ASTN2: variants seen among roughly 807,000 people sequenced by gnomAD.
ASTN2 encodes astrotactin-2.
ASTN2 carries 54 observed loss-of-function variants against 139.8 expected under a neutral mutation model. That is an observed-to-expected ratio of 0.39 (90% confidence interval 0.31 to 0.48). The LOEUF is 0.48. Among genes scored for constraint, ASTN2 ranks in the 20% least tolerant of loss-of-function variants. The pLI is 0.95. For synonymous variants in ASTN2, 756 were observed against 719.5 expected (o/e 1.05, Z -0.81); for missense variants, 1,565 against 1,725.1 (o/e 0.91, Z 1.64).
chr9:116,840,418 A>G (rs181400138), intron 11 of ASTN2, among the ~76,000 whole-genome samples: 11 of 146,784 alleles, frequency 7.5e-5, no homozygotes, highest in East Asian at 2.1e-4. Context: ...GGTGGTGGCC[A>G]GGCAGAGGGG....
chr9:116,766,888 CACATACACTT>C, intron 13 of ASTN2, among the ~76,000 whole-genome samples: 1 of 151,312 alleles, frequency 6.6e-6, no homozygotes, highest in South Asian at 2.1e-4. Flanking sequence ...CATTCACACT[CACATACACTT>C]AAACACACAC....
At chr9:116,598,902 A>C (rs1244683092) in intron 19 of ASTN2, among the ~76,000 whole-genome samples, 1 of 152,212 alleles carries the variant, frequency 6.6e-6, no homozygotes, top group African/African-American at 2.4e-5. Flanking sequence ...TATTTTTATG[A>C]GGCATTTCTG....
chr9:117,348,613 T>G (rs1297699836), intron 1 of ASTN2, among the ~76,000 whole-genome samples: 3 of 152,186 alleles, frequency 2.0e-5, no homozygotes, highest in African/African-American at 7.2e-5. Flanking sequence ...GTATATGTGT[T>G]TGTTTGGGTG....
chr9:116,623,205 TTGGTTTTTGTAATAAATA>T (rs1856264473), intron 17 of ASTN2, among the ~76,000 whole-genome samples: 1 of 124,386 alleles, frequency 8.0e-6, no homozygotes, highest in African/African-American at 3.1e-5. Context: ...GTGTGTGTGT[TTGGTTTTTGTAATAAATA>T]GGAACTTGAG....
At chr9:117,225,543 A>G (rs200924361) in intron 2 of ASTN2, among the ~76,000 whole-genome samples, 718 of 68,662 alleles carry the variant, frequency 0.01, 92 homozygotes, top group African/African-American at 0.053. Flanking sequence ...ATGTATATAT[A>G]TATATATATA....
At chr9:117,217,082 G>A (rs1235894363) in intron 2 of ASTN2, among the ~76,000 whole-genome samples, 2 of 152,128 alleles carry the variant, frequency 1.3e-5, no homozygotes. Flanking sequence ...CACAGCCCTT[G>A]GTTACTGAAC....
intron 1 of ASTN2, among the ~76,000 whole-genome samples, chr9:117,376,396 T>C (rs1830125268): frequency 6.6e-6 from 1 of 152,184 alleles, no homozygotes; most frequent in Non-Finnish European, 1.5e-5. Context: ...CATTTGGCAC[T>C]TTCAAATGGA....
At chr9:117,008,303 G>A (rs761309243) in intron 6 of ASTN2, 44 bp from the exon 7 acceptor site, 1 of 1,505,260 alleles carries the variant, frequency 6.6e-7, no homozygotes, top group Non-Finnish European at 8.9e-7. Context: ...CTGATTTTAA[G>A]GTCTTAGCTG....
At chr9:116,510,512 A>T (rs1850328189) in intron 19 of ASTN2, among the ~76,000 whole-genome samples, 1 of 152,156 alleles carries the variant, frequency 6.6e-6, no homozygotes, top group Admixed American at 6.6e-5. Flanking sequence ...TATGAACTTT[A>T]AAGTAGTTTT....
chr9:117,045,039 T>C (rs1838691082), intron 5 of ASTN2, among the ~76,000 whole-genome samples: 1 of 152,110 alleles, frequency 6.6e-6, no homozygotes, highest in South Asian at 2.1e-4. Context: ...CACTTTATCA[T>C]GGAATAAGGT....
intron 7 of ASTN2, among the ~76,000 whole-genome samples, chr9:116,979,082 A>G (rs892943806): frequency 2.0e-5 from 3 of 152,196 alleles, no homozygotes; most frequent in Admixed American, 6.5e-5. Flanking sequence ...AAGCATTCTG[A>G]GTGTTTAAAA....
At chr9:117,180,117 GTCT>G (rs1831020539) in intron 3 of ASTN2, among the ~76,000 whole-genome samples, 1 of 152,332 alleles carries the variant, frequency 6.6e-6, no homozygotes, top group Admixed American at 6.5e-5. Context: ...TCACAGAGTA[GTCT>G]TCCATTCTTG....
chr9:117,369,499 A>G (rs985471773), intron 1 of ASTN2, among the ~76,000 whole-genome samples: 2 of 152,074 alleles, frequency 1.3e-5, no homozygotes, highest in African/African-American at 2.4e-5. Context: ...CCTGCCCAAG[A>G]TCATATAGAC....
intron 1 of ASTN2, among the ~76,000 whole-genome samples, chr9:117,302,588 C>G (rs745407693): frequency 6.6e-6 from 1 of 152,154 alleles, no homozygotes; most frequent in Non-Finnish European, 1.5e-5. Context: ...GTTTCTAAGT[C>G]TGACTTGTCA....
At chr9:117,355,682 G>A (rs1242076476) in intron 1 of ASTN2, among the ~76,000 whole-genome samples, 1 of 152,204 alleles carries the variant, frequency 6.6e-6, no homozygotes, top group Non-Finnish European at 1.5e-5. Flanking sequence ...TACAATCTGA[G>A]GAGGATTCAT....
At chr9:116,611,387 C>T (rs1855531897) in intron 19 of ASTN2, 1 of 151,758 alleles carries the variant, frequency 6.6e-6, no homozygotes, top group African/African-American at 2.4e-5. Flanking sequence ...CAAAGTAAGC[C>T]AAACAAAGAA....
chr9:116,581,324 A>G (rs920694940), intron 19 of ASTN2, among the ~76,000 whole-genome samples: 5 of 152,100 alleles, frequency 3.3e-5, no homozygotes, highest in African/African-American at 9.7e-5. Context: ...TACCACCACC[A>G]TGACCTGGAA....
intron 19 of ASTN2, among the ~76,000 whole-genome samples, chr9:116,589,610 A>G (rs1281184777): frequency 6.6e-6 from 1 of 152,216 alleles, no homozygotes; most frequent in East Asian, 1.9e-4. Flanking sequence ...GTGGAGGCGA[A>G]GGGAATAGAA....
chr9:116,999,882 G>A (rs1055067251), intron 7 of ASTN2, among the ~76,000 whole-genome samples: 17 of 152,000 alleles, frequency 1.1e-4, no homozygotes, highest in African/African-American at 3.6e-4. Flanking sequence ...CATTGCAAAA[G>A]TTCAGAAGTC....
Sources: gnomAD v4.1 joint callset for allele counts (sites outside exome capture counted in the v4.1 genomes callset) on GRCh38, gnomAD v4.1.1 for gene constraint, MANE v1.5 for transcripts, NCBI Gene and HGNC (gene_info 2026-07-23, HGNC 2026-07-21) for gene names.